The following VIPR2 variants were observed in gnomAD, a reference collection of about 807,000 sequenced individuals.
VIPR2 encodes vasoactive intestinal polypeptide receptor 2.
In VIPR2, 48 loss-of-function variants were observed where a neutral mutation model predicts 58.0. The observed-to-expected ratio is 0.83, with a 90% CI of 0.66 to 1.05. The LOEUF is 1.05. VIPR2 is among the 50% of genes least tolerant of loss of function. VIPR2 has a pLI of 0.00. For synonymous variants in VIPR2, 243 were observed against 235.2 expected, an observed-to-expected ratio of 1.03 and a Z score of -0.30; for missense variants, 534 against 558.0, an observed-to-expected ratio of 0.96 and a Z score of 0.43.
rs60400731 is a variant in VIPR2 at position 159,092,650 on chromosome 7, C to CT, written c.357+11106dup. On this transcript the variant is annotated intron_variant, in intron 4 of 12. Transcript: ENST00000262178. ...GCAGGAGGCTGTTTTCTTTTCTTTT[C>CT]TTTTTTTTTTTTTTTTTTGAGACTG... 6.9e-3 allele frequency among the ~76,000 whole-genome samples: 928 copies of CT among 133,670 alleles called. 8 individuals are homozygous for CT. The highest frequency in any genetic ancestry group is 0.024 in the East Asian group (111 of 4,650). 87.7% of individuals were successfully genotyped at this position (133,670 alleles called of 152,430 possible). A position where few individuals can be genotyped will look rare whatever the true frequency, so the allele number is the denominator to read the frequency against.
chr7:159,069,904 C>T (rs944349892), intron 4 of VIPR2, among the ~76,000 whole-genome samples: 2 of 152,162 alleles, frequency 1.3e-5, no homozygotes, highest in African/African-American at 2.4e-5. Flanking sequence ...TACTGTCTGT[C>T]GTTGGCTGAT....
intron 5 of VIPR2, among the ~76,000 whole-genome samples, chr7:159,048,452 T>C (rs1309569098): frequency 6.6e-6 from 1 of 152,240 alleles, no homozygotes; most frequent in African/African-American, 2.4e-5. Flanking sequence ...CTTTTTCAAC[T>C]GTAAATTTTA....
At chr7:159,114,323 C>T (rs1000105836) in intron 2 of VIPR2, among the ~76,000 whole-genome samples, 5 of 151,916 alleles carry the variant, frequency 3.3e-5, no homozygotes, top group African/African-American at 1.2e-4. Flanking sequence ...GAAGCACAGC[C>T]ACTTGGAGAC....
chr7:159,096,912 C>G lies in VIPR2; in HGVS notation c.357+6845G>C. The G allele has an allele frequency of 1.3e-6, 2 of 1,550,828 alleles. No homozygotes were observed. Among genetic ancestry groups the G allele is most frequent in the Non-Finnish European group, 1.7e-6 (2 of 1,147,108 alleles). On this transcript the variant is annotated intron_variant, in intron 4 of 12. Coordinates refer to ENST00000262178, the MANE Select transcript of VIPR2 (RefSeq NM_003382.5). The surrounding 1 kb of genome is among the most constrained non-coding windows in gnomAD (Gnocchi z 5.5). ...GCCGCCTTGCTGTCCCCGTTCCCATCACTCGATGAGCCAATGCCCTCGTGG... is the reference window on the plus strand; with the variant it reads ...GCCGCCTTGCTGTCCCCGTTCCCATGACTCGATGAGCCAATGCCCTCGTGG...
rs955852849 is a variant in VIPR2 at position 159,099,511 on chromosome 7, C to G, written c.357+4246G>C. Among the ~76,000 whole-genome samples, 1 of 152,196 alleles carries G rather than the reference C, an allele frequency of 6.6e-6. No homozygotes were observed. Among genetic ancestry groups the G allele is most frequent in the Non-Finnish European group, 1.5e-5 (1 of 68,040 alleles). ...CTGTCACTGCCTCCCAGATCCACAT[C>G]ACTCTTTATAACCCAGGCTGGGGCT... is the stretch of plus-strand genomic sequence containing the variant. On this transcript the variant is annotated intron_variant, in intron 4 of 12. Transcript: ENST00000262178. The surrounding 1 kb of genome is among the most constrained non-coding windows in gnomAD (Gnocchi z 4.2).
intron 6 of VIPR2, among the ~76,000 whole-genome samples, chr7:159,038,291 C>T (rs536534172): frequency 1.3e-5 from 2 of 152,242 alleles, no homozygotes; most frequent in South Asian, 2.1e-4. Context: ...TTCCTTTTTC[C>T]CAAGCATAGC....
chr7:159,109,954 G>A, intron 2 of VIPR2, 35 bp from the exon 3 acceptor site: 2 of 1,602,198 alleles, frequency 1.2e-6, no homozygotes, highest in Non-Finnish European at 1.7e-6. Context: ...GCAGGTGCAA[G>A]GTGACAGAAG....
intron 4 of VIPR2, among the ~76,000 whole-genome samples, chr7:159,063,403 G>C (rs1051640186): frequency 6.6e-6 from 1 of 152,004 alleles, no homozygotes; most frequent in Non-Finnish European, 1.5e-5. Flanking sequence ...CTCACTGCCC[G>C]GGGCCGGCAG....
chr7:159,098,086 C>T lies in VIPR2; in HGVS notation c.357+5671G>A, dbSNP rs969405210. 6.6e-5 allele frequency among the ~76,000 whole-genome samples: 10 copies of T among 152,214 alleles called. No homozygotes were observed. Among genetic ancestry groups the T allele is most frequent in the Non-Finnish European group, 1.0e-4 (7 of 68,034 alleles). On this transcript the variant is annotated intron_variant, in intron 4 of 12. Transcript: ENST00000262178. The surrounding 1 kb of genome is among the most constrained non-coding windows in gnomAD (Gnocchi z 5.2). ...GGCAAGCGGAATCCCCAGCCTCACA[C>T]CAGCCCGGCCACTGCCGCTCCCGTC...
intron 1 of VIPR2, chr7:159,144,472 C>A (rs1216866740): frequency 2.6e-6 from 4 of 1,539,554 alleles, no homozygotes; most frequent in Middle Eastern, 1.7e-4. Flanking sequence ...AAACCCCGGA[C>A]GGTGGGGCGC....
chr7:159,142,956 G>A (rs765803749), intron 1 of VIPR2, among the ~76,000 whole-genome samples: 2 of 152,352 alleles, frequency 1.3e-5, no homozygotes, highest in South Asian at 2.1e-4. Context: ...GGAAAGAGCC[G>A]TGATAGAAGG....
chr7:159,059,235 G>A (rs1453814917), intron 4 of VIPR2: 1 of 471,078 alleles, frequency 2.1e-6, no homozygotes, highest in East Asian at 7.0e-5. Flanking sequence ...AAAGAACTGG[G>A]TCCTCTAGAA....
At chr7:159,126,834 C>T (rs936037877) in intron 2 of VIPR2, among the ~76,000 whole-genome samples, 1 of 152,340 alleles carries the variant, frequency 6.6e-6, no homozygotes, top group East Asian at 1.9e-4. Context: ...CTCCAGCAAA[C>T]GTTTACTGAG....
intron 4 of VIPR2, among the ~76,000 whole-genome samples, chr7:159,076,666 T>G (rs12670059): frequency 0.34 from 50,946 of 152,052 alleles, 9,705 homozygotes; most frequent in African/African-American, 0.53. Context: ...ATGTATAAAA[T>G]AGCTCTATTT....
intron 1 of VIPR2, 193 bp downstream of exon 1, chr7:159,144,528 C>A: frequency 6.6e-7 from 1 of 1,518,650 alleles, no homozygotes. Flanking sequence ...CGCAACCCGG[C>A]GGGACCGGAG....
chr7:159,068,285 A>G (rs1255145439), intron 4 of VIPR2, among the ~76,000 whole-genome samples: 1 of 152,214 alleles, frequency 6.6e-6, no homozygotes, highest in Non-Finnish European at 1.5e-5. Context: ...TTAAAAAAAC[A>G]GCCCCTCTCT....
chr7:159,140,944 T>TC (rs935472390), intron 2 of VIPR2, among the ~76,000 whole-genome samples: 7 of 152,280 alleles, frequency 4.6e-5, no homozygotes, highest in African/African-American at 1.4e-4. Context: ...ATCTTTTTTT[T>TC]TTAATGTATT....
At chr7:159,105,849 C>T (rs978201845) in intron 3 of VIPR2, among the ~76,000 whole-genome samples, 69 of 152,322 alleles carry the variant, frequency 4.5e-4, no homozygotes, top group African/African-American at 1.5e-3. Context: ...GACTCAGGAA[C>T]AGCACTCATA....
intron 10 of VIPR2, among the ~76,000 whole-genome samples, chr7:159,033,312 C>T (rs2129492787): frequency 6.6e-6 from 1 of 152,260 alleles, no homozygotes; most frequent in African/African-American, 2.4e-5. Flanking sequence ...AAGGGAAATG[C>T]AGGCCAGGCA....
Sources: gnomAD v4.1 joint callset for allele counts (sites outside exome capture counted in the v4.1 genomes callset) on GRCh38, gnomAD v4.1.1 for gene constraint, Gnocchi (gnomAD v3.1) non-coding constraint, MANE v1.5 for transcripts, NCBI Gene and HGNC (gene_info 2026-07-23, HGNC 2026-07-21) for gene names.